AFF3: variants seen among roughly 807,000 people sequenced by gnomAD.
The protein encoded by AFF3 is ALF transcription elongation factor 3.
Under a neutral mutation model 129.7 loss-of-function variants are expected in AFF3, and 32 were observed. That is an observed-to-expected ratio of 0.25 (90% CI 0.19 to 0.33). The LOEUF (loss-of-function observed/expected upper bound fraction) is 0.33, where lower values mean the gene tolerates loss of function less well. AFF3 is among the 10% of genes least tolerant of loss of function. The pLI is 1.00. For missense variants in AFF3, 1,373 were observed against 1,592.0 expected (o/e 0.86, Z 2.34); for synonymous variants, 644 against 635.4 (o/e 1.01, Z -0.20).
chr2:99,790,938 T>C (rs1468121879), intron 8 of AFF3, among the ~76,000 whole-genome samples: 2 of 152,156 alleles, frequency 1.3e-5, no homozygotes, highest in African/African-American at 4.8e-5. Context: ...GAAATTATGA[T>C]ATACCCATAG....
At chr2:99,559,015 T>C in intron 21 of AFF3, 47 bp from the exon 22 acceptor site, 1 of 1,556,686 alleles carries the variant, frequency 6.4e-7, no homozygotes, top group South Asian at 1.1e-5. Context: ...GAGTGCGTCG[T>C]GCGCAAACAA....
At chr2:99,571,207 T>A (rs1163822037) in intron 18 of AFF3, among the ~76,000 whole-genome samples, 1 of 152,178 alleles carries the variant, frequency 6.6e-6, no homozygotes, top group Non-Finnish European at 1.5e-5. Flanking sequence ...CAGCATCGCA[T>A]CCAATGAGCC....
At chr2:99,634,315 T>C (rs1330270502) in intron 13 of AFF3, among the ~76,000 whole-genome samples, 1 of 152,242 alleles carries the variant, frequency 6.6e-6, no homozygotes, top group African/African-American at 2.4e-5. Flanking sequence ...CCTCTGTGAC[T>C]GTCTGTAGTC....
In AFF3 at chr2:99,989,347, A is replaced by G. The variant is rs144708656; in HGVS notation, c.873+17285T>C. Among the ~76,000 whole-genome samples the G allele has an allele frequency of 3.0e-3, 458 of 152,380 alleles. 2 individuals are homozygous for G. Among genetic ancestry groups the G allele is most frequent in the Middle Eastern group, 6.8e-3 (2 of 294 alleles). On this transcript the variant is annotated intron_variant, in intron 7 of 24. Coordinates refer to ENST00000672756, the MANE Select transcript of AFF3 (RefSeq NM_001386135.1). ...GAAAACACACAGGACAAAAGAATCC[A>G]GAATCCAGGATACCCACATTTCAAC...
At chr2:99,759,053 A>C (rs1292114479) in intron 8 of AFF3, among the ~76,000 whole-genome samples, 1 of 152,048 alleles carries the variant, frequency 6.6e-6, no homozygotes, top group Non-Finnish European at 1.5e-5. Context: ...TATGTCTCTG[A>C]GTCTCTTTTT....
chr2:100,034,323 T>C (rs1027901018), intron 4 of AFF3, among the ~76,000 whole-genome samples: 1 of 152,096 alleles, frequency 6.6e-6, no homozygotes, highest in Non-Finnish European at 1.5e-5. Context: ...GCCAAAGTAT[T>C]AACATGCCTG....
intron 4 of AFF3, among the ~76,000 whole-genome samples, chr2:100,025,878 C>T (rs781720787): frequency 1.3e-5 from 2 of 152,194 alleles, no homozygotes; most frequent in Non-Finnish European, 2.9e-5. Flanking sequence ...CCTCATCTCT[C>T]GCCTTATACA....
At chr2:99,692,256 C>A (rs1675742024) in intron 11 of AFF3, among the ~76,000 whole-genome samples, 2 of 152,182 alleles carry the variant, frequency 1.3e-5, no homozygotes, top group African/African-American at 4.8e-5. Context: ...CCCAGGAAAG[C>A]CCCAGTTGCT....
At position 99,575,345 on chromosome 2, in the gene AFF3, C is replaced by T. The variant is rs191468789; in HGVS notation, c.2918+2982G>A. Among the ~76,000 whole-genome samples the T allele has an allele frequency of 1.8e-4, 27 of 151,894 alleles. 1 individual carries two copies. The East Asian group carries it at 3.1e-3, about 17-fold the overall frequency. On this transcript the variant is annotated intron_variant, in intron 18 of 24. Coordinates refer to ENST00000672756, the MANE Select transcript of AFF3 (RefSeq NM_001386135.1). ...CATGATCTCGGCTCACTGCAACCTC[C>T]GCTTCCTGGGTTCAAGTGATTCTCC...
At chr2:99,648,929 T>A (rs1445178485) in intron 13 of AFF3, among the ~76,000 whole-genome samples, 1 of 111,388 alleles carries the variant, frequency 9.0e-6, no homozygotes, top group African/African-American at 3.2e-5. Flanking sequence ...TCTCTCTCTC[T>A]CTCTCTCTCC....
chr2:99,743,853 C>T (rs2105138388), intron 10 of AFF3, among the ~76,000 whole-genome samples: 1 of 152,224 alleles, frequency 6.6e-6, no homozygotes, highest in East Asian at 1.9e-4. Flanking sequence ...GCATGAAGTT[C>T]CTTTCTCTTG....
At chr2:99,584,222 CT>C (rs1479458852) in intron 16 of AFF3, among the ~76,000 whole-genome samples, 4 of 151,436 alleles carry the variant, frequency 2.6e-5, no homozygotes, top group African/African-American at 9.7e-5. Context: ...AATCCCAGCA[CT>C]TTGGGAGGCC....
chr2:99,948,391 T>C (rs1675836062), intron 7 of AFF3, among the ~76,000 whole-genome samples: 2 of 152,176 alleles, frequency 1.3e-5, no homozygotes, highest in South Asian at 4.1e-4. Context: ...TCGGGTTCCA[T>C]CTCCCTGCCC....
intron 8 of AFF3, among the ~76,000 whole-genome samples, chr2:99,777,171 C>T (rs1683968589): frequency 6.6e-6 from 1 of 152,184 alleles, no homozygotes; most frequent in Admixed American, 6.5e-5. Context: ...AGGGTGTGAG[C>T]ATCTTCTGAG....
intron 3 of AFF3, 163 bp downstream of exon 3, chr2:100,105,341 A>C: frequency 8.2e-7 from 1 of 1,225,298 alleles, no homozygotes; most frequent in Middle Eastern, 3.7e-4. Flanking sequence ...AAACCGTTTA[A>C]GGTCTCTGGA....
intron 7 of AFF3, among the ~76,000 whole-genome samples, chr2:99,991,495 TAGAG>T (rs1239425693): frequency 6.6e-6 from 1 of 152,148 alleles, no homozygotes; most frequent in East Asian, 1.9e-4. Context: ...TTGCCAGACT[TAGAG>T]GGAAAAAAGC....
intron 15 of AFF3, among the ~76,000 whole-genome samples, chr2:99,590,641 A>G (rs536232127): frequency 8.1e-4 from 124 of 152,314 alleles, no homozygotes; most frequent in African/African-American, 2.6e-3. Context: ...AAGGGCGCCC[A>G]CTGCCGGCTA....
chr2:99,608,475 A>C (rs377454108), intron 13 of AFF3, among the ~76,000 whole-genome samples: 19 of 152,316 alleles, frequency 1.2e-4, no homozygotes, highest in South Asian at 1.2e-3. Flanking sequence ...GAGTTCTTAA[A>C]ACTGGTAACT....
In AFF3 at chr2:99,554,262, T is replaced by C. The variant is rs561946589; in HGVS notation, c.3559+49A>G. 4.5e-5 allele frequency: 72 copies of C among 1,599,166 alleles called. No homozygotes were observed. In the South Asian group the frequency reaches 7.4e-4, roughly 16 times the overall value. ...AGGAGGCCGAGGCAGAAGAATCGCT[T>C]GAACCCGGGAGGCGGAAGCCCCTGG... On this transcript the variant is annotated intron_variant, in intron 24 of 24. Transcript: ENST00000672756.
Sources: gnomAD v4.1 joint callset for allele counts (sites outside exome capture counted in the v4.1 genomes callset) on GRCh38, gnomAD v4.1.1 for gene constraint, MANE v1.5 for transcripts, NCBI Gene and HGNC (gene_info 2026-07-23, HGNC 2026-07-21) for gene names.